The following NYAP2 variants were observed in gnomAD, a reference collection of about 807,000 sequenced individuals.
NYAP2 encodes neuronal tyrosine-phosphorylated phosphoinositide-3-kinase adapter 2.
NYAP2 carries 23 observed loss-of-function variants against 50.4 expected under a neutral mutation model. That is an observed-to-expected ratio of 0.46 (90% CI 0.33 to 0.65). The LOEUF (loss-of-function observed/expected upper bound fraction) is 0.65, where lower values mean the gene tolerates loss of function less well. Ranked by LOEUF, NYAP2 falls within the 30% of genes least tolerant of loss-of-function variation. The probability of loss-of-function intolerance (pLI) is 0.02; values close to 1 mark genes in which losing one functional copy is unlikely to be tolerated. For synonymous variants in NYAP2, 394 were observed against 365.2 expected (o/e 1.08, Z -0.90); for missense variants, 885 against 861.0 (o/e 1.03, Z -0.35).
chr2:225,582,857 G>T lies in NYAP2; in HGVS notation c.1440G>T (p.Val480=), dbSNP rs754094495. Reference sequence around the variant, plus strand: ...TGCCTCACTCGACCCCCAGACCCGTGTCGCAAGATGGGGCCAAGATGGTCA... The same window carrying T: ...TGCCTCACTCGACCCCCAGACCCGTTTCGCAAGATGGGGCCAAGATGGTCA... The change falls in exon 5 of 7, where the codon GTG becomes GTT. Residue 480 remains valine, a synonymous_variant. Transcript: ENST00000636099. This position sits in a 1 kb window ranked among gnomAD's most constrained non-coding sequence, Gnocchi z 7.0. 2 of 1,613,826 alleles carry T rather than the reference G, an allele frequency of 1.2e-6. No homozygotes were observed. The highest frequency in any genetic ancestry group is 3.3e-4 in the Middle Eastern group (2 of 6,062).
At chr2:225,476,138 G>C (rs559738494) in intron 3 of NYAP2, among the ~76,000 whole-genome samples, 1 of 152,314 alleles carries the variant, frequency 6.6e-6, no homozygotes, top group South Asian at 2.1e-4. Flanking sequence ...TACTGACGGG[G>C]TGTGGTGGCT....
chr2:225,409,323 C>T (rs1694993774), intron 3 of NYAP2, among the ~76,000 whole-genome samples: 1 of 151,986 alleles, frequency 6.6e-6, no homozygotes, highest in African/African-American at 2.4e-5. Context: ...TGTGCATATG[C>T]AGCTACAGAC....
At chr2:225,586,636 T>A (rs929540269) in intron 5 of NYAP2, among the ~76,000 whole-genome samples, 1 of 152,226 alleles carries the variant, frequency 6.6e-6, no homozygotes, top group Non-Finnish European at 1.5e-5. Context: ...TTACTACCTA[T>A]CATTTTCATC....
chr2:225,686,013 C>T, the NYAP2 span, among the ~76,000 whole-genome samples: 53 of 151,932 alleles, frequency 3.5e-4, no homozygotes, highest in Non-Finnish European at 5.7e-4. Flanking sequence ...TAGTTTTACC[C>T]GTAATAATTT....
intron 4 of NYAP2, among the ~76,000 whole-genome samples, chr2:225,514,209 C>G (rs1690887000): frequency 6.6e-6 from 1 of 152,140 alleles, no homozygotes; most frequent in Non-Finnish European, 1.5e-5. Context: ...ATGAAACATA[C>G]AAGTCAAATA....
At chr2:225,607,384 G>A (rs1296289440) in intron 5 of NYAP2, among the ~76,000 whole-genome samples, 1 of 152,104 alleles carries the variant, frequency 6.6e-6, no homozygotes, top group East Asian at 1.9e-4. Context: ...GATGGGGGCA[G>A]TGGAAAGGAG....
At chr2:225,537,782 C>T (rs58804036) in intron 4 of NYAP2, among the ~76,000 whole-genome samples, 4,182 of 152,264 alleles carry the variant, frequency 0.027, 183 homozygotes, top group African/African-American at 0.093. Flanking sequence ...CAAAAGTCCA[C>T]AGTCCAAAAT....
chr2:225,545,355 A>G (rs78799357), intron 4 of NYAP2, among the ~76,000 whole-genome samples: 2,498 of 152,042 alleles, frequency 0.016, 46 homozygotes, highest in Middle Eastern at 0.024. Flanking sequence ...TATACATTTT[A>G]TAGGCATGCT....
chr2:225,553,201 AC>A (rs1691711244), intron 4 of NYAP2, among the ~76,000 whole-genome samples: 1 of 152,212 alleles, frequency 6.6e-6, no homozygotes, highest in Non-Finnish European at 1.5e-5. Context: ...TGGTTCTAGG[AC>A]CACTAGAAGA....
the NYAP2 span, among the ~76,000 whole-genome samples, chr2:225,697,057 C>T: frequency 1.3e-5 from 2 of 151,892 alleles, no homozygotes; most frequent in African/African-American, 4.8e-5. Context: ...TCAAGTCATA[C>T]AGTAGATTTG....
chr2:225,526,823 G>C (rs1255402231), intron 4 of NYAP2, among the ~76,000 whole-genome samples: 1 of 152,140 alleles, frequency 6.6e-6, no homozygotes, highest in Non-Finnish European at 1.5e-5. Context: ...GTGTATTCTT[G>C]TTTTATGAGG....
intron 3 of NYAP2, among the ~76,000 whole-genome samples, chr2:225,458,418 G>GT (rs1187716421): frequency 1.3e-5 from 2 of 152,074 alleles, no homozygotes; most frequent in Non-Finnish European, 2.9e-5. Context: ...TTGAATTATA[G>GT]TTTTTTTATT....
chr2:225,491,256 C>T (rs112735404), intron 3 of NYAP2, among the ~76,000 whole-genome samples: 236 of 152,288 alleles, frequency 1.5e-3, no homozygotes, highest in African/African-American at 5.3e-3. Context: ...AAGGCAAGAA[C>T]GAAATTTTGA....
intron 3 of NYAP2, among the ~76,000 whole-genome samples, chr2:225,480,282 G>T (rs1026192860): frequency 1.3e-5 from 2 of 152,028 alleles, no homozygotes; most frequent in Non-Finnish European, 2.9e-5. Context: ...AGAAAAAAAT[G>T]ATCTCCTCCA....
rs547450193 is a variant in NYAP2 at position 225,473,963 on chromosome 2, A to G, written c.222-39408A>G. ...TTTAGGTCTAACATTTAAGTCTTGA[A>G]TCCATCTTGAATTAATTTTTGTATA... On this transcript the variant is annotated intron_variant, in intron 3 of 6. Coordinates refer to ENST00000636099, the Ensembl canonical transcript of NYAP2. Among the ~76,000 whole-genome samples the G allele has an allele frequency of 1.3e-4, 20 of 152,284 alleles. No homozygotes were observed. In the East Asian group the frequency reaches 3.9e-3, roughly 29 times the overall value.
At chr2:225,616,093 T>C (rs1692984868) in intron 5 of NYAP2, among the ~76,000 whole-genome samples, 1 of 152,210 alleles carries the variant, frequency 6.6e-6, no homozygotes, top group Non-Finnish European at 1.5e-5. Flanking sequence ...TTCCACTTGA[T>C]TCAGTGTGCC....
chr2:225,618,779 G>T (rs1386188296), intron 5 of NYAP2, among the ~76,000 whole-genome samples: 2 of 152,202 alleles, frequency 1.3e-5, no homozygotes, highest in Non-Finnish European at 2.9e-5. Context: ...TTGGAACTTG[G>T]TTCTAAGGGC....
intron 4 of NYAP2, among the ~76,000 whole-genome samples, chr2:225,528,530 A>T (rs558102311): frequency 6.6e-6 from 1 of 152,192 alleles, no homozygotes; most frequent in Non-Finnish European, 1.5e-5. Flanking sequence ...GAACATAAAG[A>T]TCCAAGTAAA....
At chr2:225,485,783 T>C (rs1690284361) in intron 3 of NYAP2, among the ~76,000 whole-genome samples, 5 of 152,184 alleles carry the variant, frequency 3.3e-5, no homozygotes, top group African/African-American at 1.2e-4. Flanking sequence ...GAGAGAAGCA[T>C]GCCATTACCT....
Sources: gnomAD v4.1 joint callset for allele counts (sites outside exome capture counted in the v4.1 genomes callset) on GRCh38, gnomAD v4.1.1 for gene constraint, Gnocchi (gnomAD v3.1) non-coding constraint, MANE v1.5 for transcripts, NCBI Gene and HGNC (gene_info 2026-07-23, HGNC 2026-07-21) for gene names.